SLC37A1: variants seen among roughly 807,000 people sequenced by gnomAD.
SLC37A1 encodes the protein glucose-6-phosphate exchanger SLC37A1.
SLC37A1 carries 49 observed loss-of-function variants against 75.3 expected under a neutral mutation model. The ratio of observed to expected loss-of-function variants is 0.65; its 90% confidence interval spans 0.52 to 0.83. The LOEUF (loss-of-function observed/expected upper bound fraction) is 0.83, where lower values mean the gene tolerates loss of function less well. Among genes scored for constraint, SLC37A1 ranks in the 40% least tolerant of loss-of-function variants. SLC37A1 has a pLI of 0.00. For missense variants in SLC37A1, 566 were observed against 695.0 expected (o/e 0.81, Z 2.09); for synonymous variants, 268 against 292.1 (o/e 0.92, Z 0.84).
intron 1 of SLC37A1, 75 bp from the exon 2 acceptor site, chr21:42,518,202 G>T (rs2054559787): frequency 1.9e-6 from 1 of 513,798 alleles, no homozygotes; most frequent in Admixed American, 3.1e-5. Context: ...TACGTGTGTG[G>T]TTACTTCTGC....
At position 42,530,654 on chromosome 21, in the gene SLC37A1, A is replaced by ACACACACACCCCC. The variant is rs1161313598; in HGVS notation, c.139-4043_139-4042insACACACACCCCCC. On this transcript the variant is annotated intron_variant, in intron 3 of 19. Transcript: ENST00000352133. The stretch of plus-strand genomic sequence containing the variant: ...CACACACACACACACACACACACAC[A>ACACACACACCCCC]CCCCCTCTGTGTTGGCTGAAGGTGG... Among the ~76,000 whole-genome samples, 45 of 35,894 alleles carry ACACACACACCCCC rather than the reference A, an allele frequency of 1.3e-3. 2 individuals carry two copies. Among genetic ancestry groups the ACACACACACCCCC allele is most frequent in the Non-Finnish European group, 1.8e-3 (34 of 19,106 alleles). 23.5% of individuals were successfully genotyped at this position (35,894 alleles called of 152,430 possible).
chr21:42,518,554 G>C (rs1789379271), intron 2 of SLC37A1, 44 bp downstream of exon 2: 3 of 1,607,738 alleles, frequency 1.9e-6, no homozygotes, highest in Admixed American at 1.7e-5. Context: ...GCTGTGTATA[G>C]GTGAGGGCTA....
intron 18 of SLC37A1, 27 bp from the exon 19 acceptor site, chr21:42,579,709 G>T (rs1288178083): frequency 6.2e-7 from 1 of 1,613,906 alleles, no homozygotes; most frequent in South Asian, 1.1e-5. Flanking sequence ...TCCAGTAACA[G>T]GTGGGCTCAC....
At chr21:42,575,480 T>C in intron 18 of SLC37A1, 1 of 985,434 alleles carries the variant, frequency 1.0e-6, no homozygotes, top group South Asian at 4.7e-5. Flanking sequence ...TTCTGCCCCC[T>C]TTTCTCTGGG....
chr21:42,515,700 A>C (rs1278484648), intron 1 of SLC37A1, among the ~76,000 whole-genome samples: 5 of 152,152 alleles, frequency 3.3e-5, no homozygotes, highest in African/African-American at 7.2e-5. Flanking sequence ...TCAGGGGTAC[A>C]TGTGCAGGTT....
intron 13 of SLC37A1, 42 bp downstream of exon 13, chr21:42,563,919 C>T: frequency 6.2e-7 from 1 of 1,606,788 alleles, no homozygotes; most frequent in Non-Finnish European, 8.5e-7. Flanking sequence ...AATAATTTCG[C>T]AAGGCGCATG....
intron 9 of SLC37A1, among the ~76,000 whole-genome samples, chr21:42,553,538 A>G (rs1186865081): frequency 6.6e-6 from 1 of 152,222 alleles, no homozygotes; most frequent in Non-Finnish European, 1.5e-5. Context: ...ACTTGGTAAC[A>G]GGAGATAATT....
intron 18 of SLC37A1, chr21:42,575,612 C>A: frequency 1.0e-6 from 1 of 985,432 alleles, no homozygotes; most frequent in Non-Finnish European, 1.2e-6. Flanking sequence ...CACATCTTTA[C>A]AAGTCACCTG....
chr21:42,575,058 C>G lies in SLC37A1; in HGVS notation c.1521+143C>G, dbSNP rs925087281. 3 of 1,440,426 alleles carry G rather than the reference C, an allele frequency of 2.1e-6. No individual in the cohort carries two copies. The African/African-American group carries it at 4.3e-5, about 21-fold the overall frequency. 89.2% of individuals were successfully genotyped at this position (1,440,426 alleles called of 1,614,324 possible). A position where few individuals can be genotyped will look rare whatever the true frequency, so the allele number is the denominator to read the frequency against. ...CCCATCTTTTCTAAATATGCGTGGT[C>G]TAAAGCTCCTTCTCTCTCTGATTAG... On this transcript the variant is annotated intron_variant, in intron 18 of 19. Transcript: ENST00000352133.
intron 11 of SLC37A1, among the ~76,000 whole-genome samples, chr21:42,559,602 G>A (rs372223592): frequency 1.3e-5 from 2 of 152,266 alleles, no homozygotes; most frequent in African/African-American, 2.4e-5. Context: ...TAGGCTGGGC[G>A]CAGTGGCTCA....
At chr21:42,520,956 G>C (rs772222830) in intron 2 of SLC37A1, among the ~76,000 whole-genome samples, 2 of 152,214 alleles carry the variant, frequency 1.3e-5, no homozygotes, top group African/African-American at 4.8e-5. Flanking sequence ...CCATTGAATA[G>C]CGTAAGATTC....
Position 42,579,786 on chromosome 21 carries a change from G to A in SLC37A1, c.1572G>A (p.Thr524=), listed in dbSNP as rs149947371. 6.7e-4 allele frequency: 1,084 copies of A among 1,614,128 alleles called. 6 individuals carry two copies. Among genetic ancestry groups the A allele is most frequent in the Middle Eastern group, 2.6e-3 (16 of 6,062 alleles). ...HKELSCPGSA[T]GDQVPFKEQ ...AGCTGAGCTGCCCAGGGTCAGCTAC[G>A]GGGGACCAAGTTCCGTAAGTCCCAC... Residue 524 remains threonine (T), a synonymous_variant, in exon 19 of 20, where the codon ACG becomes ACA. Transcript: ENST00000352133.
intron 17 of SLC37A1, among the ~76,000 whole-genome samples, chr21:42,570,127 C>CT (rs1569040975): frequency 4.6e-5 from 2 of 43,190 alleles, no homozygotes; most frequent in Non-Finnish European, 1.1e-4. Context: ...GTGGCTGTTG[C>CT]CATGTGACAC....
Position 42,539,277 on chromosome 21 carries a change from A to G in SLC37A1, c.351-235A>G, listed in dbSNP as rs142830309. Among the ~76,000 whole-genome samples, 579 of 152,354 alleles carry G rather than the reference A, an allele frequency of 3.8e-3. 4 individuals are homozygous for G. Among genetic ancestry groups the G allele is most frequent in the African/African-American group, 0.013 (548 of 41,576 alleles). On this transcript the variant is annotated intron_variant, in intron 5 of 19. Coordinates refer to ENST00000352133, the MANE Select transcript of SLC37A1 (RefSeq NM_001320537.2). Reference sequence around the variant, plus strand: ...TAGTGTTTGAATTTTATTATTTGACAGATAGGACTTCTACTAGAAATAAAA... The same window carrying G: ...TAGTGTTTGAATTTTATTATTTGACGGATAGGACTTCTACTAGAAATAAAA...
chr21:42,532,864 A>G (rs2055025412), intron 3 of SLC37A1, among the ~76,000 whole-genome samples: 2 of 152,202 alleles, frequency 1.3e-5, no homozygotes, highest in Admixed American at 1.3e-4. Context: ...ATGACTTTGC[A>G]TTGTAAAGTA....
intron 2 of SLC37A1, among the ~76,000 whole-genome samples, chr21:42,523,243 G>A (rs2054698383): frequency 6.6e-6 from 1 of 152,206 alleles, no homozygotes; most frequent in African/African-American, 2.4e-5. Context: ...GGGAGGTGCT[G>A]GAGGCAACTT....
intron 3 of SLC37A1, among the ~76,000 whole-genome samples, chr21:42,532,443 A>G (rs1038843190): frequency 6.6e-6 from 1 of 152,276 alleles, no homozygotes; most frequent in South Asian, 2.1e-4. Flanking sequence ...TTCCTGCCCT[A>G]GCTGTGGCTT....
intron 17 of SLC37A1, among the ~76,000 whole-genome samples, chr21:42,572,570 A>G (rs1189817170): frequency 2.0e-5 from 3 of 146,522 alleles, no homozygotes; most frequent in African/African-American, 7.6e-5. Context: ...TTCCTGCCAT[A>G]TTTTCAATGT....
At chr21:42,563,957 G>A (rs2146991826) in intron 13 of SLC37A1, 80 bp downstream of exon 13, 1 of 1,512,696 alleles carries the variant, frequency 6.6e-7, no homozygotes, top group Non-Finnish European at 9.1e-7. Context: ...CTGCTCAGGG[G>A]AACAGGGTTC....
Sources: allele counts gnomAD v4.1 joint callset (sites outside exome capture counted in the v4.1 genomes callset), GRCh38; gene constraint gnomAD v4.1.1; transcripts MANE v1.5; gene names NCBI Gene and HGNC (gene_info 2026-07-23, HGNC 2026-07-21).